The following CR2 variants were observed in gnomAD, a reference collection of about 807,000 sequenced individuals.
CR2 encodes the protein complement receptor type 2.
Under a neutral mutation model 123.0 loss-of-function variants are expected in CR2, and 96 were observed. The ratio of observed to expected loss-of-function variants is 0.78; its 90% CI spans 0.66 to 0.93. The LOEUF (loss-of-function observed/expected upper bound fraction) is 0.93, where lower values mean the gene tolerates loss of function less well. Ranked by LOEUF, CR2 falls within the 40% of genes least tolerant of loss-of-function variation. CR2 has a pLI of 0.00. For synonymous variants in CR2, 484 were observed against 469.5 expected (o/e 1.03, Z -0.40); for missense variants, 1,258 against 1,361.0 (o/e 0.92, Z 1.19).
At chr1:207,487,729 AAG>A (rs768831075) in intron 19 of CR2, among the ~76,000 whole-genome samples, 3 of 151,812 alleles carry the variant, frequency 2.0e-5, no homozygotes, top group East Asian at 3.9e-4. Context: ...TGATGGCAGA[AAG>A]AGAGAGAAGA....
chr1:207,468,791 GT>G lies in CR2; in HGVS notation c.635-3del, dbSNP rs2102302358. ...GCCATGCATTTCTCATCTTTGGTTT[GT>G]TTTTTAGAGGCACGCTGTAAATCTC... is the stretch of plus-strand genomic sequence containing the variant. On this transcript the variant is annotated splice_region_variant and splice_polypyrimidine_tract_variant and intron_variant, in intron 3 of 19. Coordinates refer to ENST00000367057, the MANE Select transcript of CR2 (RefSeq NM_001006658.3). The G allele has an allele frequency of 6.2e-7, 1 of 1,613,988 alleles. No individual in the cohort carries two copies. The highest frequency in any genetic ancestry group is 1.1e-5 in the South Asian group (1 of 91,080).
chr1:207,488,473 A>C (rs1264560139), intron 19 of CR2, among the ~76,000 whole-genome samples: 1 of 152,084 alleles, frequency 6.6e-6, no homozygotes, highest in Non-Finnish European at 1.5e-5. Flanking sequence ...AAAATACAAA[A>C]ATTAGCTGGG....
Position 207,469,786 on chromosome 1 carries a change from C to G in CR2, c.909C>G (p.Tyr303Ter), listed in dbSNP as rs148336036. 6.2e-7 allele frequency: 1 copy of G among 1,613,956 alleles called. No homozygotes were observed. The highest frequency in any genetic ancestry group is 1.7e-5 in the Admixed American group (1 of 59,996). ...TCTCATATGGAAGCATAGTCACTTACACTTGTGACCCGGACCCAGAGGAAG... is the reference window on the plus strand; with the variant it reads ...TCTCATATGGAAGCATAGTCACTTAGACTTGTGACCCGGACCCAGAGGAAG... ...ANVSYGSIVT[Y>*]TCDPDPEEGV... Residue 303 changes from tyrosine to a stop codon, truncating the protein, a stop_gained, in exon 6 of 20, where the codon TAC becomes TAG. Transcript: ENST00000367057. LOFTEE classifies it high-confidence loss of function.
rs1195161623 is a variant in CR2 at position 207,477,965 on chromosome 1, G to T, written c.2983G>T (p.Val995Phe). 1 of 1,614,100 alleles carries T rather than the reference G, an allele frequency of 6.2e-7. No homozygotes were observed. The highest frequency in any genetic ancestry group is 1.7e-4 in the Middle Eastern group (1 of 6,058). The change falls in exon 16 of 20, where the codon GTT (valine) becomes TTT (phenylalanine). Residue 995 changes from valine to phenylalanine, a missense_variant. Val to Phe is a conservative substitution (Grantham distance 50). Transcript: ENST00000367057. ...EPRKMYQYGA[V>F]VTLECEDGYM... Reference sequence around the variant, plus strand: ...AAGGAAAATGTATCAGTATGGAGCTGTTGTAACTCTGGAGTGTGAAGATGG... The same window carrying T: ...AAGGAAAATGTATCAGTATGGAGCTTTTGTAACTCTGGAGTGTGAAGATGG...
intron 2 of CR2, 125 bp downstream of exon 2, chr1:207,467,037 A>G: frequency 8.3e-7 from 1 of 1,198,760 alleles, no homozygotes; most frequent in East Asian, 2.5e-5. Flanking sequence ...AGAAGGAAAC[A>G]AGGGAAAAGG....
At chr1:207,482,975 C>A (rs1572965581) in intron 18 of CR2, among the ~76,000 whole-genome samples, 1 of 150,460 alleles carries the variant, frequency 6.6e-6, no homozygotes, top group African/African-American at 2.4e-5. Flanking sequence ...AAAAAAAAAA[C>A]CCTGACACGT....
At chr1:207,484,685 T>A (rs1242606005) in intron 18 of CR2, among the ~76,000 whole-genome samples, 1 of 152,230 alleles carries the variant, frequency 6.6e-6, no homozygotes, top group Non-Finnish European at 1.5e-5. Flanking sequence ...TATTATGTTA[T>A]TTTAGAGCTT....
chr1:207,478,525 C>CAAAAAAA (rs36116544), intron 16 of CR2, among the ~76,000 whole-genome samples: 23 of 58,730 alleles, frequency 3.9e-4, no homozygotes, highest in East Asian at 2.9e-3. Flanking sequence ...AAGACCCTAT[C>CAAAAAAA]AAAAAAAAAA....
chr1:207,485,605 A>G (rs1461669696), intron 19 of CR2, 33 bp downstream of exon 19: 6 of 1,284,236 alleles, frequency 4.7e-6, no homozygotes, highest in Non-Finnish European at 6.8e-6. Context: ...ATTAATTTAC[A>G]TATAAAATTT....
At chr1:207,457,192 T>C (rs1375054878) in intron 1 of CR2, among the ~76,000 whole-genome samples, 1 of 152,240 alleles carries the variant, frequency 6.6e-6, no homozygotes, top group Non-Finnish European at 1.5e-5. Context: ...CTGATTTGAG[T>C]TCCTATCAAT....
chr1:207,477,792 G>A, intron 15 of CR2, 93 bp from the exon 16 acceptor site: 2 of 1,022,628 alleles, frequency 2.0e-6, no homozygotes, highest in Non-Finnish European at 3.0e-6. Flanking sequence ...GAAACAGGTT[G>A]GTTTTATAAA....
chr1:207,468,268 A>G (rs868427022), intron 2 of CR2: 11 of 513,830 alleles, frequency 2.1e-5, no homozygotes, highest in African/African-American at 1.5e-4. Flanking sequence ...CTACCCGTGG[A>G]CAGCATGTGG....
intron 1 of CR2, among the ~76,000 whole-genome samples, chr1:207,459,423 G>T (rs1056899116): frequency 6.6e-6 from 1 of 151,878 alleles, no homozygotes; most frequent in Non-Finnish European, 1.5e-5. Context: ...CAGTATTAAG[G>T]TATTTGATTA....
chr1:207,466,380 G>A (rs899233341), intron 1 of CR2, 146 bp from the exon 2 acceptor site: 2 of 895,094 alleles, frequency 2.2e-6, no homozygotes. Context: ...AGGAGTTTGG[G>A]AGTAAGCAGG....
intron 13 of CR2, among the ~76,000 whole-genome samples, chr1:207,474,604 C>T (rs1658382847): frequency 6.6e-6 from 1 of 152,184 alleles, no homozygotes; most frequent in South Asian, 2.1e-4. Flanking sequence ...TCTTCCTTCA[C>T]ACTTTACTCT....
intron 1 of CR2, among the ~76,000 whole-genome samples, chr1:207,466,043 C>T (rs754966157): frequency 1.3e-5 from 2 of 152,104 alleles, no homozygotes; most frequent in South Asian, 4.1e-4. Flanking sequence ...CTCACTATAC[C>T]TTATGAAGTA....
intron 19 of CR2, 92 bp downstream of exon 19, chr1:207,485,664 A>G (rs1256329631): frequency 8.0e-6 from 6 of 754,352 alleles, no homozygotes; most frequent in Non-Finnish European, 1.4e-5. Context: ...GTGTATATAC[A>G]TGCTTCTTAC....
intron 1 of CR2, among the ~76,000 whole-genome samples, chr1:207,461,467 C>T (rs1477204336): frequency 1.3e-5 from 2 of 152,166 alleles, no homozygotes; most frequent in Non-Finnish European, 2.9e-5. Context: ...GATATGCATT[C>T]TTCATTCCAT....
chr1:207,477,438 T>G (rs2102309377), intron 15 of CR2, among the ~76,000 whole-genome samples: 1 of 152,186 alleles, frequency 6.6e-6, no homozygotes, highest in South Asian at 2.1e-4. Flanking sequence ...GAGATTTGAG[T>G]GGGGACACAG....
Sources: gnomAD v4.1 joint callset for allele counts (sites outside exome capture counted in the v4.1 genomes callset) on GRCh38, gnomAD v4.1.1 for gene constraint, MANE v1.5 for transcripts, NCBI Gene and HGNC (gene_info 2026-07-23, HGNC 2026-07-21) for gene names.